PRDM16: variants seen among roughly 807,000 people sequenced by gnomAD.
PRDM16 encodes the protein PR/SET domain 16.
A neutral mutation model predicts 110.6 loss-of-function variants in PRDM16; 23 were observed. That is an observed-to-expected ratio of 0.21 (90% confidence interval 0.15 to 0.29). The LOEUF (loss-of-function observed/expected upper bound fraction) is 0.29, where lower values mean the gene tolerates loss of function less well. Among genes scored for constraint, PRDM16 ranks in the 10% least tolerant of loss-of-function variants. The probability of loss-of-function intolerance (pLI) is 1.00; values close to 1 mark genes in which losing one functional copy is unlikely to be tolerated. For synonymous variants in PRDM16, 799 were observed against 781.8 expected (o/e 1.02, Z -0.37); for missense variants, 1,615 against 1,794.3 (o/e 0.90, Z 1.81).
At chr1:3,384,842 C>T (rs1416713319) in intron 3 of PRDM16, among the ~76,000 whole-genome samples, 4 of 152,196 alleles carry the variant, frequency 2.6e-5, no homozygotes, top group South Asian at 4.2e-4. Context: ...AGCTTTGCTG[C>T]GGGGGTGGGG....
intron 1 of PRDM16, among the ~76,000 whole-genome samples, chr1:3,171,747 G>C (rs1287895638): frequency 6.6e-6 from 1 of 152,042 alleles, no homozygotes; most frequent in African/African-American, 2.4e-5. Context: ...CAGGACTCCA[G>C]AACACCTAAG....
chr1:3,341,141 G>A (rs1054141586), intron 3 of PRDM16, among the ~76,000 whole-genome samples: 8 of 152,072 alleles, frequency 5.3e-5, no homozygotes, highest in African/African-American at 1.9e-4. Context: ...GCTATGATGG[G>A]TGAGCCATCC....
chr1:3,177,353 T>A (rs573202282), intron 1 of PRDM16, among the ~76,000 whole-genome samples: 1 of 152,334 alleles, frequency 6.6e-6, no homozygotes, highest in South Asian at 2.1e-4. Context: ...TTCAGGTGTT[T>A]TGTCATTGTA....
intron 1 of PRDM16, among the ~76,000 whole-genome samples, chr1:3,112,161 C>A (rs1642810623): frequency 6.6e-6 from 1 of 152,026 alleles, no homozygotes; most frequent in Non-Finnish European, 1.5e-5. Flanking sequence ...GAAGAGAATA[C>A]CAAAAAGGTC....
chr1:3,235,356 T>C (rs1639514298), intron 2 of PRDM16, among the ~76,000 whole-genome samples: 1 of 152,230 alleles, frequency 6.6e-6, no homozygotes, highest in Non-Finnish European at 1.5e-5. Context: ...GTGATGGCTC[T>C]TCATGAGCCA....
chr1:3,181,679 C>G (rs1363337984), intron 1 of PRDM16, among the ~76,000 whole-genome samples: 2 of 139,198 alleles, frequency 1.4e-5, no homozygotes, highest in African/African-American at 2.7e-5. Context: ...CTTACACGCG[C>G]AGTCTTACAC....
intron 1 of PRDM16, among the ~76,000 whole-genome samples, chr1:3,089,552 A>T (rs1350634464): frequency 6.6e-6 from 1 of 152,246 alleles, no homozygotes; most frequent in Non-Finnish European, 1.5e-5. Flanking sequence ...TCCAGGCCAG[A>T]AAACCAATAT....
chr1:3,091,850 C>A (rs897390102), intron 1 of PRDM16, among the ~76,000 whole-genome samples: 2 of 152,222 alleles, frequency 1.3e-5, no homozygotes, highest in African/African-American at 4.8e-5. Flanking sequence ...GAGAAAGGGC[C>A]TGTCCCCAGA....
chr1:3,247,947 C>T (rs1639829817), intron 3 of PRDM16, among the ~76,000 whole-genome samples: 1 of 152,192 alleles, frequency 6.6e-6, no homozygotes, highest in Non-Finnish European at 1.5e-5. Flanking sequence ...CAAACATCTG[C>T]GGGAGATAAT....
chr1:3,433,225 G>A (rs1638815501), intron 16 of PRDM16, among the ~76,000 whole-genome samples: 1 of 152,232 alleles, frequency 6.6e-6, no homozygotes, highest in Non-Finnish European at 1.5e-5. Flanking sequence ...CCAATGTCCT[G>A]GCATCACTCG....
chr1:3,248,308 G>A (rs1639842098), intron 3 of PRDM16, among the ~76,000 whole-genome samples: 1 of 152,190 alleles, frequency 6.6e-6, no homozygotes, highest in Non-Finnish European at 1.5e-5. Flanking sequence ...CTTTCCCTTT[G>A]TCCACTTTAT....
rs904941885 is a variant in PRDM16, at chr1:3,113,230, G to A, written c.37+43934G>A. 5.9e-5 allele frequency among the ~76,000 whole-genome samples: 9 copies of A among 152,352 alleles called. No individual in the cohort carries two copies. In the South Asian group the frequency reaches 6.2e-4, roughly 11 times the overall value. On this transcript the variant is annotated intron_variant, in intron 1 of 16. Coordinates refer to ENST00000270722, the MANE Select transcript of PRDM16 (RefSeq NM_022114.4). The stretch of plus-strand genomic sequence containing the variant: ...TTCTCCCCCAAGCTCTGGTCAGCCC[G>A]TCTGCGGTGGCCTGGCTGTGGGCCA...
intron 2 of PRDM16, chr1:3,207,786 C>T (rs191287806): frequency 6.6e-6 from 1 of 152,346 alleles, no homozygotes. Context: ...CATCTGACTC[C>T]AAGGCCGTCT....
intron 2 of PRDM16, among the ~76,000 whole-genome samples, chr1:3,224,183 C>T (rs888002071): frequency 2.0e-5 from 3 of 152,068 alleles, no homozygotes; most frequent in Non-Finnish European, 2.9e-5. Flanking sequence ...ACAGCAGGGC[C>T]GTGATGAATA....
At chr1:3,089,298 G>A (rs184000750) in intron 1 of PRDM16, among the ~76,000 whole-genome samples, 3 of 152,352 alleles carry the variant, frequency 2.0e-5, no homozygotes, top group Non-Finnish European at 4.4e-5. Flanking sequence ...TGGTAGCCCA[G>A]GCTGAGCCTC....
intron 1 of PRDM16, among the ~76,000 whole-genome samples, chr1:3,170,833 C>G (rs1033132291): frequency 7.9e-5 from 12 of 152,248 alleles, no homozygotes; most frequent in Non-Finnish European, 1.3e-4. Context: ...CAGTTTTCAT[C>G]CCAGCAGCCA....
chr1:3,263,692 C>T (rs920008095), intron 3 of PRDM16, among the ~76,000 whole-genome samples: 4 of 152,242 alleles, frequency 2.6e-5, no homozygotes, highest in Non-Finnish European at 5.9e-5. Flanking sequence ...CTCCTCCAGG[C>T]CCTCACAGCC....
rs1208591735 is a variant in PRDM16, at chr1:3,438,561, C to G, written c.*4750C>G. 1 of 196,774 alleles carries G rather than the reference C, an allele frequency of 5.1e-6. No homozygotes were observed. Among genetic ancestry groups the G allele is most frequent in the Non-Finnish European group, 1.1e-5 (1 of 94,940 alleles). The allele number at this position is 196,774 out of a possible 1,614,324, so 12.2% of individuals were successfully genotyped here. On this transcript the variant is annotated 3_prime_UTR_variant, in exon 17 of 17. Coordinates refer to ENST00000270722, the MANE Select transcript of PRDM16 (RefSeq NM_022114.4). ...GGACTGTATACCAAATGTAATCTTT[C>G]CAATGCTCCAATGAATTTATACATG... is the stretch of plus-strand genomic sequence containing the variant.
At chr1:3,194,699 T>G (rs1466242084) in intron 2 of PRDM16, among the ~76,000 whole-genome samples, 1 of 150,530 alleles carries the variant, frequency 6.6e-6, no homozygotes, top group Non-Finnish European at 1.5e-5. Flanking sequence ...CGCCATCGTC[T>G]CCCCGCCACA....
Sources: gnomAD v4.1 joint callset for allele counts (sites outside exome capture counted in the v4.1 genomes callset) on GRCh38, gnomAD v4.1.1 for gene constraint, MANE v1.5 for transcripts, NCBI Gene and HGNC (gene_info 2026-07-23, HGNC 2026-07-21) for gene names.